Variants in C12orf42 observed in about 807,000 individuals in gnomAD.
C12orf42 encodes the protein chromosome 12 open reading frame 42.
Under a neutral mutation model 21.6 loss-of-function variants are expected in C12orf42, and 25 were observed. That is an observed-to-expected ratio of 1.16 (90% CI 0.84 to 1.62). The LOEUF (loss-of-function observed/expected upper bound fraction) is 1.62. Among genes scored for constraint, C12orf42 ranks in the 40% most tolerant of loss-of-function variants. C12orf42 has a pLI of 0.00. For synonymous variants in C12orf42, 174 were observed against 175.0 expected (o/e 0.99, Z 0.05); for missense variants, 483 against 459.3 (o/e 1.05, Z -0.47).
chr12:103,404,302 A>G (rs1314869468), intron 2 of C12orf42, among the ~76,000 whole-genome samples: 1 of 152,252 alleles, frequency 6.6e-6, no homozygotes. Flanking sequence ...GAGTACAGGT[A>G]GAATTGCCTG....
intron 4 of C12orf42, among the ~76,000 whole-genome samples, chr12:103,346,138 T>C (rs993266381): frequency 1.3e-5 from 2 of 152,236 alleles, no homozygotes; most frequent in Non-Finnish European, 2.9e-5. Flanking sequence ...TCTTTTTCTT[T>C]CTACAACATA....
the C12orf42 span, among the ~76,000 whole-genome samples, chr12:103,051,154 T>C: frequency 6.6e-6 from 1 of 152,242 alleles, no homozygotes; most frequent in East Asian, 1.9e-4. Flanking sequence ...CCCAGCAAAT[T>C]TATGCTAAAA....
chr12:103,102,578 A>G, the C12orf42 span, among the ~76,000 whole-genome samples: 1 of 152,246 alleles, frequency 6.6e-6, no homozygotes, highest in Non-Finnish European at 1.5e-5. Context: ...GGGTACAGAC[A>G]GAAACTAAAA....
chr12:103,455,709 G>C (rs1952243150), intron 2 of C12orf42, among the ~76,000 whole-genome samples: 1 of 152,130 alleles, frequency 6.6e-6, no homozygotes, highest in Non-Finnish European at 1.5e-5. Flanking sequence ...AGCAGGAGAA[G>C]AAGAAACAAA....
intron 3 of C12orf42, chr12:103,396,585 T>C (rs910611495): frequency 2.6e-5 from 4 of 152,240 alleles, no homozygotes; most frequent in African/African-American, 9.6e-5. Context: ...TGCTAGACAT[T>C]TGCAATTAAA....
At chr12:103,166,115 G>C in the C12orf42 span, among the ~76,000 whole-genome samples, 1 of 151,004 alleles carries the variant, frequency 6.6e-6, no homozygotes, top group African/African-American at 2.4e-5. Context: ...CACAAGAAGT[G>C]TGAGTAGAAA....
intron 4 of C12orf42, among the ~76,000 whole-genome samples, chr12:103,327,202 C>T (rs777900221): frequency 3.3e-5 from 5 of 152,144 alleles, no homozygotes; most frequent in Non-Finnish European, 5.9e-5. Flanking sequence ...TCGAGTTTCT[C>T]CCTAAAGAAG....
intron 4 of C12orf42, among the ~76,000 whole-genome samples, chr12:103,352,076 C>G (rs933693509): frequency 6.6e-6 from 1 of 152,100 alleles, no homozygotes; most frequent in Admixed American, 6.6e-5. Flanking sequence ...CACAAGCTCC[C>G]TTGCCCTTCC....
chr12:103,200,328 A>C, the C12orf42 span, among the ~76,000 whole-genome samples: 4 of 152,316 alleles, frequency 2.6e-5, no homozygotes, highest in African/African-American at 9.6e-5. Context: ...GTGACTGGGG[A>C]AACAGGGAAG....
At chr12:103,530,696 A>G in the C12orf42 span, among the ~76,000 whole-genome samples, 1 of 152,086 alleles carries the variant, frequency 6.6e-6, no homozygotes, top group Admixed American at 6.5e-5. Flanking sequence ...GGTGAAGGAG[A>G]TAGGGAAAGA....
At chr12:103,218,433 A>G in the C12orf42 span, among the ~76,000 whole-genome samples, 2 of 152,198 alleles carry the variant, frequency 1.3e-5, no homozygotes, top group Non-Finnish European at 1.5e-5. Context: ...ATGTCCTCTG[A>G]ATATTTACTC....
chr12:103,524,718 C>A, the C12orf42 span, among the ~76,000 whole-genome samples: 16 of 152,188 alleles, frequency 1.1e-4, no homozygotes, highest in South Asian at 8.3e-4. Flanking sequence ...TGCTAAGGGG[C>A]AGAACATAGG....
At chr12:103,389,713 T>C (rs2138411862) in intron 3 of C12orf42, among the ~76,000 whole-genome samples, 1 of 152,274 alleles carries the variant, frequency 6.6e-6, no homozygotes, top group African/African-American at 2.4e-5. Flanking sequence ...CTACTCAGGG[T>C]AGAAGGTCAC....
At chr12:103,438,054 C>T (rs1801017672) in intron 2 of C12orf42, among the ~76,000 whole-genome samples, 2 of 150,250 alleles carry the variant, frequency 1.3e-5, no homozygotes, top group South Asian at 2.2e-4. Flanking sequence ...AAAGCTTATC[C>T]ACCAAGATCA....
At chr12:103,056,361 C>T in the C12orf42 span, among the ~76,000 whole-genome samples, 5 of 152,150 alleles carry the variant, frequency 3.3e-5, 1 homozygote, top group South Asian at 1.0e-3. Flanking sequence ...CCATTTCTCT[C>T]TCACTGTATT....
intron 10 of C12orf42, among the ~76,000 whole-genome samples, chr12:103,239,236 C>T (rs2033610744): frequency 6.6e-6 from 1 of 152,100 alleles, no homozygotes; most frequent in South Asian, 2.1e-4. Context: ...GAAATGTTAC[C>T]TATTGTTATA....
chr12:103,518,999 AGGGAGAGACCAGGTGGAG>A, the C12orf42 span, among the ~76,000 whole-genome samples: 5 of 152,154 alleles, frequency 3.3e-5, no homozygotes, highest in Admixed American at 2.6e-4. Flanking sequence ...CCCCATGTCA[AGGGAGAGACCAGGTGGAG>A]GTGATTGAAT....
At chr12:103,211,826 A>G in the C12orf42 span, among the ~76,000 whole-genome samples, 1 of 152,244 alleles carries the variant, frequency 6.6e-6, no homozygotes, top group South Asian at 2.1e-4. Context: ...TAACTAATAC[A>G]CAGTGGCACT....
intron 10 of C12orf42, among the ~76,000 whole-genome samples, chr12:103,256,109 T>TAC (rs2034585028): frequency 1.5e-3 from 66 of 43,820 alleles, no homozygotes; most frequent in African/African-American, 3.6e-3. Context: ...TATATATATA[T>TAC]ATACACACAC....
Sources: gnomAD v4.1 joint callset for allele counts (sites outside exome capture counted in the v4.1 genomes callset) on GRCh38, gnomAD v4.1.1 for gene constraint, MANE v1.5 for transcripts, NCBI Gene and HGNC (gene_info 2026-07-23, HGNC 2026-07-21) for gene names.